The following CPEB3 variants were observed in gnomAD, a reference collection of about 807,000 sequenced individuals.
The protein encoded by CPEB3 is cytoplasmic polyadenylation element-binding protein 3.
Under a neutral mutation model 67.2 loss-of-function variants are expected in CPEB3, and 20 were observed. That is an observed-to-expected ratio of 0.30 (90% CI 0.21 to 0.43). CPEB3 has a LOEUF of 0.43. CPEB3 is among the 20% of genes least tolerant of loss of function. The pLI is 1.00. For missense variants in CPEB3, 746 were observed against 968.6 expected (o/e 0.77, Z 3.05); for synonymous variants, 376 against 393.1 (o/e 0.96, Z 0.51).
chr10:92,249,785 C>T (rs949489126), intron 1 of CPEB3, among the ~76,000 whole-genome samples: 3 of 151,770 alleles, frequency 2.0e-5, no homozygotes, highest in African/African-American at 4.8e-5. Flanking sequence ...TTTGGGAGGC[C>T]GAAGCAGGAA....
intron 7 of CPEB3, among the ~76,000 whole-genome samples, chr10:92,108,985 G>A (rs960610824): frequency 6.6e-6 from 1 of 152,150 alleles, no homozygotes; most frequent in Non-Finnish European, 1.5e-5. Context: ...CTTCCCTACA[G>A]AGCCAGTGAC....
At chr10:92,173,938 A>C (rs1021657673) in intron 4 of CPEB3, among the ~76,000 whole-genome samples, 1 of 152,350 alleles carries the variant, frequency 6.6e-6, no homozygotes, top group South Asian at 2.1e-4. Context: ...AAACCTGTTC[A>C]GACAGAAAGA....
At chr10:92,130,284 TC>T (rs1206867327) in intron 6 of CPEB3, among the ~76,000 whole-genome samples, 2 of 152,056 alleles carry the variant, frequency 1.3e-5, no homozygotes, top group African/African-American at 4.8e-5. Flanking sequence ...ACTCTATTTT[TC>T]CTTCAGAGAA....
At chr10:92,158,881 C>T (rs1166511709) in intron 4 of CPEB3, among the ~76,000 whole-genome samples, 5 of 152,120 alleles carry the variant, frequency 3.3e-5, no homozygotes, top group African/African-American at 4.8e-5. Flanking sequence ...TCCTGTCAAG[C>T]GGAATGATTT....
intron 2 of CPEB3, among the ~76,000 whole-genome samples, chr10:92,193,601 C>T (rs568542539): frequency 6.6e-6 from 1 of 152,004 alleles, no homozygotes; most frequent in South Asian, 2.1e-4. Context: ...AGGACACTTG[C>T]CACCATGCCC....
At chr10:92,096,933 G>A (rs776279536) in intron 7 of CPEB3, among the ~76,000 whole-genome samples, 4 of 152,146 alleles carry the variant, frequency 2.6e-5, no homozygotes, top group Admixed American at 6.5e-5. Flanking sequence ...GTGACAGAGT[G>A]AGACCCTGTC....
chr10:92,216,508 G>A (rs1850406687), intron 2 of CPEB3: 1 of 1,613,058 alleles, frequency 6.2e-7, no homozygotes, highest in Non-Finnish European at 8.5e-7. Flanking sequence ...AGCAGAAGCA[G>A]ATTCGGCGCG....
chr10:92,271,008 C>A (rs923856815), intron 1 of CPEB3, among the ~76,000 whole-genome samples: 1 of 152,150 alleles, frequency 6.6e-6, no homozygotes, highest in Non-Finnish European at 1.5e-5. Flanking sequence ...GAAACCTCGT[C>A]TCTACTAAAA....
chr10:92,080,157 A>C (rs1453157847), intron 9 of CPEB3, among the ~76,000 whole-genome samples: 2 of 151,058 alleles, frequency 1.3e-5, no homozygotes. Context: ...CAGTGAGCCA[A>C]GATTGCGCCA....
chr10:92,096,129 C>T (rs1403681719), intron 7 of CPEB3, among the ~76,000 whole-genome samples: 1 of 151,668 alleles, frequency 6.6e-6, no homozygotes, highest in African/African-American at 2.4e-5. Flanking sequence ...CCTGCCTCGG[C>T]CTCCCAAAGT....
At chr10:92,119,128 T>C (rs1845199689) in intron 6 of CPEB3, 1 of 1,586,224 alleles carries the variant, frequency 6.3e-7, no homozygotes, top group Admixed American at 1.7e-5. Flanking sequence ...TCCTGGTTCT[T>C]ACTGTGTTGT....
chr10:92,288,232 G>T (rs185227707), intron 1 of CPEB3, among the ~76,000 whole-genome samples: 4 of 152,208 alleles, frequency 2.6e-5, no homozygotes, highest in Non-Finnish European at 5.9e-5. Context: ...GGCCGAGGTG[G>T]GAGGATCATT....
At chr10:92,219,196 C>T (rs1252397824) in intron 2 of CPEB3, among the ~76,000 whole-genome samples, 2 of 152,136 alleles carry the variant, frequency 1.3e-5, no homozygotes, top group Non-Finnish European at 2.9e-5. Context: ...TTGCCTATGG[C>T]TTGCTTGAAT....
Position 92,047,243 on chromosome 10 carries a change from A to G in CPEB3, c.*4969T>C, listed in dbSNP as rs1468879298. On this transcript the variant is annotated 3_prime_UTR_variant, in exon 10 of 10. Transcript: ENST00000265997. ...TGGAACACTATTGCAGCTGAGATAGAGAAGTTTGGTTATTATAAAAGAAAA... is the reference window on the plus strand; with the variant it reads ...TGGAACACTATTGCAGCTGAGATAGGGAAGTTTGGTTATTATAAAAGAAAA... 6.7e-6 allele frequency: 1 copy of G among 149,708 alleles called. No individual in the cohort carries two copies. Among genetic ancestry groups the G allele is most frequent in the East Asian group, 2.0e-4 (1 of 4,998 alleles). 9.3% of individuals were successfully genotyped at this position (149,708 alleles called of 1,614,324 possible).
At chr10:92,110,605 C>T (rs558065458) in intron 7 of CPEB3, among the ~76,000 whole-genome samples, 3 of 152,214 alleles carry the variant, frequency 2.0e-5, no homozygotes, top group Non-Finnish European at 4.4e-5. Flanking sequence ...TGAAACTATC[C>T]ATTTTAGAGT....
chr10:92,206,432 C>T (rs1027118094), intron 2 of CPEB3, among the ~76,000 whole-genome samples: 3 of 152,036 alleles, frequency 2.0e-5, no homozygotes, highest in African/African-American at 7.2e-5. Context: ...TCTCTATGTA[C>T]TCTTTTTCCC....
At chr10:92,101,594 C>A (rs1844190793) in intron 7 of CPEB3, among the ~76,000 whole-genome samples, 1 of 152,060 alleles carries the variant, frequency 6.6e-6, no homozygotes, top group African/African-American at 2.4e-5. Flanking sequence ...GACTGGATTG[C>A]CCCAGCAATA....
intron 6 of CPEB3, among the ~76,000 whole-genome samples, chr10:92,134,773 G>C (rs1044685620): frequency 6.6e-6 from 1 of 151,842 alleles, no homozygotes; most frequent in African/African-American, 2.4e-5. Flanking sequence ...ATACTACAAG[G>C]CTACAGTAAC....
intron 2 of CPEB3, among the ~76,000 whole-genome samples, chr10:92,203,689 T>C (rs561173162): frequency 1.3e-5 from 2 of 152,032 alleles, no homozygotes; most frequent in Non-Finnish European, 2.9e-5. Context: ...CCCAAAGTGC[T>C]GGGATTGCAG....
Sources: gnomAD v4.1 joint callset for allele counts (sites outside exome capture counted in the v4.1 genomes callset) on GRCh38, gnomAD v4.1.1 for gene constraint, MANE v1.5 for transcripts, NCBI Gene and HGNC (gene_info 2026-07-23, HGNC 2026-07-21) for gene names.